Variants in TUSC3 observed in about 807,000 individuals in gnomAD.
TUSC3 encodes the protein tumor suppressor candidate 3, also known as dolichyl-diphosphooligosaccharide--protein glycosyltransferase subunit TUSC3.
A neutral mutation model predicts 44.8 loss-of-function variants in TUSC3; 45 were observed. That is an observed-to-expected ratio of 1.00 (90% CI 0.79 to 1.29). The LOEUF (loss-of-function observed/expected upper bound fraction) is 1.29, where lower values mean the gene tolerates loss of function less well. Among genes scored for constraint, TUSC3 ranks in the 50% most tolerant of loss-of-function variants. The probability of loss-of-function intolerance (pLI) is 0.00; values close to 1 mark genes in which losing one functional copy is unlikely to be tolerated. For synonymous variants in TUSC3, 212 were observed against 152.9 expected (o/e 1.39, Z -2.85); for missense variants, 519 against 437.9 (o/e 1.19, Z -1.65).
At chr8:15,490,344 A>T (rs1325692624) in intron 2 of TUSC3, among the ~76,000 whole-genome samples, 2 of 152,202 alleles carry the variant, frequency 1.3e-5, no homozygotes, top group African/African-American at 4.8e-5. Flanking sequence ...TAAAGAATTC[A>T]TGACTTCTAT....
chr8:15,475,123 C>T (rs556866698), intron 1 of TUSC3, among the ~76,000 whole-genome samples: 1 of 152,160 alleles, frequency 6.6e-6, no homozygotes, highest in East Asian at 1.9e-4. Context: ...TATTATTGAG[C>T]AGTTATTATG....
chr8:15,775,572 C>T, the TUSC3 span, among the ~76,000 whole-genome samples: 5 of 151,476 alleles, frequency 3.3e-5, no homozygotes, highest in Admixed American at 2.6e-4. Flanking sequence ...ACTTCAGTGT[C>T]CCAGTTAGCC....
chr8:15,650,836 A>G (rs538868445), intron 3 of TUSC3, 22 bp downstream of exon 3: 6 of 1,595,208 alleles, frequency 3.8e-6, no homozygotes, highest in African/African-American at 1.3e-5. Flanking sequence ...TATCGTATTC[A>G]TATATTTAAC....
chr8:15,617,493 A>G (rs12547644), intron 1 of TUSC3, among the ~76,000 whole-genome samples: 3 of 151,820 alleles, frequency 2.0e-5, no homozygotes, highest in African/African-American at 7.3e-5. Flanking sequence ...CTCCTGTCCA[A>G]CGTCACAATA....
rs550245192 is a variant in TUSC3, at chr8:15,449,998, C to T, written n.91+32693C>T. ...CCACATAGCCTAGGTGTGCAGGAGG[C>T]TATCCCTCTAGGTTTTTCTAAGTTC... On this transcript the variant is annotated intron_variant and non_coding_transcript_variant, in intron 1 of 5. Transcript: ENST00000503191. Among the ~76,000 whole-genome samples the T allele has an allele frequency of 2.8e-3, 432 of 152,276 alleles. 3 individuals are homozygous for T. Among genetic ancestry groups the T allele is most frequent in the African/African-American group, 9.9e-3 (411 of 41,558 alleles).
intron 6 of TUSC3, among the ~76,000 whole-genome samples, chr8:15,682,139 C>T (rs550155878): frequency 6.6e-6 from 1 of 152,204 alleles, no homozygotes; most frequent in East Asian, 1.9e-4. Context: ...GTTTATTCTG[C>T]AGTTGTTGTG....
At chr8:15,487,099 C>T (rs1364152954) in intron 2 of TUSC3, among the ~76,000 whole-genome samples, 1 of 152,130 alleles carries the variant, frequency 6.6e-6, no homozygotes, top group Non-Finnish European at 1.5e-5. Context: ...TCTAGTCATT[C>T]TTCATTGCCT....
chr8:15,584,418 A>G (rs1472577699), intron 1 of TUSC3, among the ~76,000 whole-genome samples: 2 of 152,192 alleles, frequency 1.3e-5, no homozygotes, highest in Non-Finnish European at 1.5e-5. Context: ...GTCATTGATC[A>G]TGCATTAAAT....
chr8:15,456,693 T>C (rs1800260969), intron 1 of TUSC3, among the ~76,000 whole-genome samples: 1 of 152,132 alleles, frequency 6.6e-6, no homozygotes, highest in Non-Finnish European at 1.5e-5. Context: ...GTCATTCATA[T>C]GGATAAAGAC....
intron 6 of TUSC3, among the ~76,000 whole-genome samples, chr8:15,702,976 T>C (rs1809466120): frequency 6.6e-6 from 1 of 152,242 alleles, no homozygotes; most frequent in Admixed American, 6.5e-5. Context: ...GTTTACTAAT[T>C]AAACAAACAA....
intron 2 of TUSC3, among the ~76,000 whole-genome samples, chr8:15,649,446 T>C (rs1450314320): frequency 1.3e-5 from 2 of 151,866 alleles, no homozygotes; most frequent in African/African-American, 4.8e-5. Flanking sequence ...TAGCCGGGCT[T>C]GGTGGCGGGC....
At chr8:15,475,355 C>T (rs998611581) in intron 1 of TUSC3, among the ~76,000 whole-genome samples, 2 of 152,140 alleles carry the variant, frequency 1.3e-5, no homozygotes, top group Admixed American at 1.3e-4. Flanking sequence ...ATCCCTATCC[C>T]CTTTGTGTGA....
intron 3 of TUSC3, among the ~76,000 whole-genome samples, chr8:15,655,671 C>T (rs1222740924): frequency 1.3e-5 from 2 of 152,176 alleles, no homozygotes; most frequent in African/African-American, 2.4e-5. Context: ...TTATAACCCT[C>T]AGATGAATTC....
chr8:15,844,604 A>C, the TUSC3 span, among the ~76,000 whole-genome samples: 4 of 152,178 alleles, frequency 2.6e-5, no homozygotes, highest in Non-Finnish European at 1.5e-5. Flanking sequence ...ATGAAAAGAC[A>C]ATGGCTGTAT....
the TUSC3 span, among the ~76,000 whole-genome samples, chr8:15,849,189 T>C: frequency 6.6e-6 from 1 of 152,188 alleles, no homozygotes; most frequent in Non-Finnish European, 1.5e-5. Flanking sequence ...ATGTAACGTA[T>C]TCCACTTCGT....
the TUSC3 span, among the ~76,000 whole-genome samples, chr8:15,843,593 C>CATATATAT: frequency 4.1e-4 from 37 of 91,130 alleles, no homozygotes; most frequent in Admixed American, 3.5e-4. Context: ...ACTTGATGTA[C>CATATATAT]ATATATATAT....
At chr8:15,650,416 G>A (rs141523544) in intron 2 of TUSC3, among the ~76,000 whole-genome samples, 1 of 152,164 alleles carries the variant, frequency 6.6e-6, no homozygotes, top group Admixed American at 6.5e-5. Context: ...TTGCTGTCTT[G>A]TTGTTACAAC....
At chr8:15,423,645 C>T (rs1295452208) in intron 1 of TUSC3, among the ~76,000 whole-genome samples, 1 of 152,180 alleles carries the variant, frequency 6.6e-6, no homozygotes, top group Non-Finnish European at 1.5e-5. Flanking sequence ...CTCACCATTA[C>T]TAGAAGTGCA....
intron 2 of TUSC3, among the ~76,000 whole-genome samples, chr8:15,636,846 T>G (rs1390560595): frequency 1.3e-5 from 2 of 152,186 alleles, no homozygotes; most frequent in African/African-American, 4.8e-5. Context: ...GATAGCAGTT[T>G]TTCTTTCACT....
Sources: gnomAD v4.1 joint callset for allele counts (sites outside exome capture counted in the v4.1 genomes callset) on GRCh38, gnomAD v4.1.1 for gene constraint, MANE v1.5 for transcripts, NCBI Gene and HGNC (gene_info 2026-07-23, HGNC 2026-07-21) for gene names.